Variants in FHIT observed in about 807,000 individuals in gnomAD.
FHIT encodes the protein bis(5'-adenosyl)-triphosphatase.
FHIT carries 19 observed loss-of-function variants against 17.9 expected under a neutral mutation model. The observed-to-expected ratio is 1.06, with a 90% CI of 0.74 to 1.56. The LOEUF is 1.56. Among genes scored for constraint, FHIT ranks in the 40% most tolerant of loss-of-function variants. FHIT has a pLI of 0.00. For synonymous variants in FHIT, 81 were observed against 69.7 expected (o/e 1.16, Z -0.81); for missense variants, 248 against 189.2 (o/e 1.31, Z -1.82).
intron 4 of FHIT, among the ~76,000 whole-genome samples, chr3:60,751,446 A>G (rs1553716814): frequency 2.0e-5 from 3 of 152,260 alleles, no homozygotes; most frequent in African/African-American, 7.2e-5. Flanking sequence ...TGCAAGCAAT[A>G]AGGAAAATCC....
At chr3:60,134,473 G>A (rs997815686) in intron 5 of FHIT, among the ~76,000 whole-genome samples, 2 of 152,102 alleles carry the variant, frequency 1.3e-5, no homozygotes, top group East Asian at 3.9e-4. Flanking sequence ...CTGGGCGTGG[G>A]GCCCACAGGC....
chr3:61,126,001 T>C (rs1441718785), intron 2 of FHIT, among the ~76,000 whole-genome samples: 2 of 152,138 alleles, frequency 1.3e-5, no homozygotes, highest in Non-Finnish European at 2.9e-5. Flanking sequence ...ATTAAGTAAG[T>C]GACCAAGATC....
intron 7 of FHIT, among the ~76,000 whole-genome samples, chr3:60,008,602 T>C (rs1457891014): frequency 2.0e-5 from 3 of 152,162 alleles, no homozygotes; most frequent in Non-Finnish European, 4.4e-5. Context: ...CCACTCAGCA[T>C]GAGACAAAAA....
intron 5 of FHIT, among the ~76,000 whole-genome samples, chr3:60,341,247 C>T (rs1359644278): frequency 6.6e-6 from 1 of 152,004 alleles, no homozygotes; most frequent in Non-Finnish European, 1.5e-5. Flanking sequence ...GTAAGGTATA[C>T]CTATATTAAG....
intron 4 of FHIT, among the ~76,000 whole-genome samples, chr3:60,572,981 C>A (rs77654643): frequency 6.6e-6 from 1 of 152,058 alleles, no homozygotes; most frequent in Non-Finnish European, 1.5e-5. Flanking sequence ...CCTATTATTT[C>A]CATATTTCAC....
At chr3:60,828,894 A>G (rs528611496) in intron 3 of FHIT, among the ~76,000 whole-genome samples, 57 of 152,116 alleles carry the variant, frequency 3.7e-4, no homozygotes, top group Non-Finnish European at 7.5e-4. Context: ...AAACAAATAA[A>G]CAAACAAAAA....
chr3:60,560,471 A>G (rs552180665), intron 4 of FHIT, among the ~76,000 whole-genome samples: 1 of 152,198 alleles, frequency 6.6e-6, no homozygotes, highest in South Asian at 2.1e-4. Flanking sequence ...AGTTCCCAGT[A>G]GTGCCTGGAA....
At chr3:60,648,600 TATAGTAGACAGTGAAA>T (rs1453129724) in intron 4 of FHIT, among the ~76,000 whole-genome samples, 1 of 152,142 alleles carries the variant, frequency 6.6e-6, no homozygotes, top group Non-Finnish European at 1.5e-5. Context: ...GGCACTTACA[TATAGTAGACAGTGAAA>T]ATCTGGACAC....
chr3:59,989,396 T>C (rs778479744), intron 7 of FHIT, among the ~76,000 whole-genome samples: 4 of 151,996 alleles, frequency 2.6e-5, no homozygotes, highest in Non-Finnish European at 5.9e-5. Context: ...AGGCCCCAGC[T>C]TTAGTTCTAC....
intron 4 of FHIT, among the ~76,000 whole-genome samples, chr3:60,688,891 G>A (rs535468735): frequency 6.6e-6 from 1 of 152,060 alleles, no homozygotes; most frequent in South Asian, 2.1e-4. Context: ...GGCCCTCCTT[G>A]TCTGTGGGTT....
At chr3:60,949,313 C>T (rs898923730) in intron 3 of FHIT, among the ~76,000 whole-genome samples, 17 of 152,164 alleles carry the variant, frequency 1.1e-4, no homozygotes, top group East Asian at 3.9e-4. Flanking sequence ...TTTTAGCTAG[C>T]GTGGATGCCA....
chr3:59,807,690 G>A (rs979764675), intron 8 of FHIT, among the ~76,000 whole-genome samples: 1 of 152,276 alleles, frequency 6.6e-6, no homozygotes. Flanking sequence ...ATCCATTGGA[G>A]GGTACCCAGG....
intron 3 of FHIT, among the ~76,000 whole-genome samples, chr3:60,867,912 A>G (rs1299595497): frequency 6.6e-6 from 1 of 152,122 alleles, no homozygotes; most frequent in Admixed American, 6.6e-5. Context: ...TTACTGCAGC[A>G]TAACTTAGTC....
At chr3:61,133,896 A>G (rs926396726) in intron 2 of FHIT, among the ~76,000 whole-genome samples, 2 of 152,006 alleles carry the variant, frequency 1.3e-5, no homozygotes, top group Middle Eastern at 3.2e-3. Context: ...AGACCAGCCT[A>G]GCTAACACGG....
intron 2 of FHIT, among the ~76,000 whole-genome samples, chr3:61,059,758 C>T (rs2106691785): frequency 6.6e-6 from 1 of 152,314 alleles, no homozygotes; most frequent in African/African-American, 2.4e-5. Flanking sequence ...CAACGTCGTT[C>T]TTGCATTAGC....
intron 4 of FHIT, among the ~76,000 whole-genome samples, chr3:60,802,555 A>G (rs781926757): frequency 2.0e-5 from 3 of 152,214 alleles, no homozygotes; most frequent in Non-Finnish European, 4.4e-5. Context: ...TATTTACAGT[A>G]CTCAAGTTTT....
chr3:60,485,279 T>C (rs1383298079), intron 5 of FHIT, among the ~76,000 whole-genome samples: 1 of 152,154 alleles, frequency 6.6e-6, no homozygotes, highest in Non-Finnish European at 1.5e-5. Flanking sequence ...GAAATACCAC[T>C]TGACCCAGCA....
At chr3:60,134,199 G>T (rs528316130) in intron 5 of FHIT, among the ~76,000 whole-genome samples, 1 of 152,162 alleles carries the variant, frequency 6.6e-6, no homozygotes, top group Non-Finnish European at 1.5e-5. Context: ...GCCTAATGGA[G>T]TTGGGCCAAG....
At chr3:60,344,669 G>GTGTTGAC (rs1710688188) in intron 5 of FHIT, among the ~76,000 whole-genome samples, 1 of 152,126 alleles carries the variant, frequency 6.6e-6, no homozygotes. Context: ...AGAAGATAAC[G>GTGTTGAC]TGTTGACTTT....
Sources: allele counts gnomAD v4.1 joint callset (sites outside exome capture counted in the v4.1 genomes callset), GRCh38; gene constraint gnomAD v4.1.1; transcripts MANE v1.5; gene names NCBI Gene and HGNC (gene_info 2026-07-23, HGNC 2026-07-21).